Variants in ADCY7 observed in about 807,000 individuals in gnomAD.
ADCY7 encodes adenylate cyclase type 7.
Under a neutral mutation model 120.6 loss-of-function variants are expected in ADCY7, and 72 were observed. The ratio of observed to expected loss-of-function variants is 0.60; its 90% CI spans 0.49 to 0.73. ADCY7 has a LOEUF of 0.73. Among genes scored for constraint, ADCY7 ranks in the 30% least tolerant of loss-of-function variants. The pLI is 0.00. For synonymous variants in ADCY7, 661 were observed against 628.0 expected, an observed-to-expected ratio of 1.05 and a Z score of -0.78; for missense variants, 1,227 against 1,486.0, an observed-to-expected ratio of 0.83 and a Z score of 2.87.
chr16:50,311,440 T>G (rs554483422), intron 19 of ADCY7, among the ~76,000 whole-genome samples: 9 of 152,256 alleles, frequency 5.9e-5, no homozygotes, highest in African/African-American at 2.2e-4. Flanking sequence ...TGGGCTCCCT[T>G]CAGGCCCTCA....
chr16:50,256,784 A>G (rs923701481), intron 1 of ADCY7, among the ~76,000 whole-genome samples: 1 of 152,178 alleles, frequency 6.6e-6, no homozygotes, highest in Non-Finnish European at 1.5e-5. Flanking sequence ...CACAGCCATT[A>G]TGGAAAATAG....
chr16:50,266,600 G>A lies in ADCY7; in HGVS notation c.-349G>A, dbSNP rs72782119. 1,470 of 154,646 alleles carry A rather than the reference G, an allele frequency of 9.5e-3. 12 individuals are homozygous for A. Among genetic ancestry groups the A allele is most frequent in the Non-Finnish European group, 0.016 (1,104 of 68,866 alleles). The allele number at this position is 154,646 out of a possible 1,614,324, so 9.6% of individuals were successfully genotyped here. A position where few individuals can be genotyped will look rare whatever the true frequency, so the allele number is the denominator to read the frequency against. On this transcript the variant is annotated 5_prime_UTR_variant, in exon 1 of 26. Transcript: ENST00000673801. ...AGCCTTCGGATGGGTGAGCCTGGGC[G>A]CGTCTGAGGAAGGGCAGGCGGGGGC...
chr16:50,311,856 G>C, intron 20 of ADCY7, 70 bp downstream of exon 20: 2 of 1,353,228 alleles, frequency 1.5e-6, no homozygotes, highest in South Asian at 1.2e-5. Flanking sequence ...TGGAGATGGG[G>C]TGGGGTGGGG....
At position 50,315,508 on chromosome 16, in the gene ADCY7, G is replaced by T. The variant is rs1349809992; in HGVS notation, c.*3G>T. 3 of 1,602,738 alleles carry T rather than the reference G, an allele frequency of 1.9e-6. No homozygotes were observed. The South Asian group carries it at 3.3e-5, about 18-fold the overall frequency. ...TTCAGGGGCTGGGGCTGAACTGAGG[G>T]CTCCTGCTGGATTCCGAAAAGGCCG... On this transcript the variant is annotated 3_prime_UTR_variant, in exon 26 of 26. Coordinates refer to ENST00000673801, the MANE Select transcript of ADCY7 (RefSeq NM_001114.5).
rs1046908998 is a variant in ADCY7 at position 50,311,941 on chromosome 16, G to T, written c.2449-95G>T. 3 of 1,559,726 alleles carry T rather than the reference G, an allele frequency of 1.9e-6. No homozygotes were observed. In the African/African-American group the frequency reaches 4.1e-5, roughly 21 times the overall value. ...CTGGTCCCCTGGCCAGAGGCTCCAA[G>T]GACGCCAGGGACAGACAGACCTGGC... On this transcript the variant is annotated intron_variant, in intron 20 of 25. Transcript: ENST00000673801.
rs1379992166 is a variant in ADCY7, at chr16:50,317,447, CATT to C, written c.*1944_*1946del. ...CTGTTGCTAATATAACATAGAAACA[CATT>C]AGTGCACTGGGCCTCTCTGAGGTCA... On this transcript the variant is annotated 3_prime_UTR_variant, in exon 26 of 26. Transcript: ENST00000673801. The C allele has an allele frequency of 6.6e-6, 1 of 152,318 alleles. No individual in the cohort carries two copies. Among genetic ancestry groups the C allele is most frequent in the East Asian group, 1.9e-4 (1 of 5,334 alleles). 9.4% of individuals were successfully genotyped at this position (152,318 alleles called of 1,614,324 possible). A position where few individuals can be genotyped will look rare whatever the true frequency, so the allele number is the denominator to read the frequency against.
At position 50,300,885 on chromosome 16, in the gene ADCY7, C is replaced by T. The variant is rs1163551477; in HGVS notation, c.1235+12C>T. 1.9e-6 allele frequency: 3 copies of T among 1,553,520 alleles called. No individual in the cohort carries two copies. Among genetic ancestry groups the T allele is most frequent in the South Asian group, 1.2e-5 (1 of 84,278 alleles). ...GCCGGAGTACCCGGGTGAGGCTGGG[C>T]TGGGTAGCCGCAGGGACAGAGGCCT... On this transcript the variant is annotated intron_variant, in intron 9 of 25. Transcript: ENST00000673801.
rs1439256432 is a variant in ADCY7, at chr16:50,301,199, G to C, written c.1353G>C (p.Leu451=). 2 of 1,600,494 alleles carry C rather than the reference G, an allele frequency of 1.2e-6. No homozygotes were observed. Among genetic ancestry groups the C allele is most frequent in the Non-Finnish European group, 1.7e-6 (2 of 1,173,796 alleles). ...AGGAGATGAACATCCGCACCTACCT[G>C]GTCATCGACCCCCGGGTACGAGGGC... ...YLKEMNIRTY[L]VIDPRSQQPP... Residue 451 remains leucine, a synonymous_variant, in exon 10 of 26, where the codon CTG becomes CTC. Coordinates refer to ENST00000673801, the MANE Select transcript of ADCY7 (RefSeq NM_001114.5).
intron 2 of ADCY7, among the ~76,000 whole-genome samples, chr16:50,288,759 T>C (rs2150949038): frequency 6.6e-6 from 1 of 152,302 alleles, no homozygotes. Context: ...ATTATAGACG[T>C]GAGCCACCAT....
At position 50,312,141 on chromosome 16, in the gene ADCY7, GTCCTGC is replaced by G; in HGVS notation, c.2555_2560del (p.Val852_Pro854delinsAla). 6.2e-7 allele frequency: 1 copy of G among 1,614,214 alleles called. No individual in the cohort carries two copies. The highest frequency in any genetic ancestry group is 1.7e-5 in the Admixed American group (1 of 60,024). On this transcript the variant is annotated inframe_deletion, in exon 21 of 26. Transcript: ENST00000673801. ...CGTGAACCGCCTTCTTCTGGAGAAC[GTCCTGC>G]CAGCCCACGTGGCTGCCCACTTTAT... is the stretch of plus-strand genomic sequence containing the variant.
At position 50,290,678 on chromosome 16, in the gene ADCY7, C is replaced by G. The variant is rs1168550585; in HGVS notation, c.375+18C>G. On this transcript the variant is annotated intron_variant, in intron 3 of 25. Coordinates refer to ENST00000673801, the MANE Select transcript of ADCY7 (RefSeq NM_001114.5). ...GGGAGCAGGTAACAGGAACTCTGGA[C>G]TCCCTGCCAGCTGCGCCTTCAGCAG... is the stretch of plus-strand genomic sequence containing the variant. 2 of 1,604,914 alleles carry G rather than the reference C, an allele frequency of 1.2e-6. No homozygotes were observed. Among genetic ancestry groups the G allele is most frequent in the Admixed American group, 1.7e-5 (1 of 59,620 alleles).
intron 15 of ADCY7, among the ~76,000 whole-genome samples, 193 bp downstream of exon 15, chr16:50,307,340 C>T (rs2036137108): frequency 6.6e-6 from 1 of 152,082 alleles, no homozygotes; most frequent in Non-Finnish European, 1.5e-5. Context: ...GTGTTTTCTG[C>T]CACAGGCCTC....
chr16:50,267,903 C>T (rs1014655708), intron 1 of ADCY7, among the ~76,000 whole-genome samples: 3 of 152,116 alleles, frequency 2.0e-5, no homozygotes, highest in Non-Finnish European at 2.9e-5. Flanking sequence ...GCTGCACAGC[C>T]TTCGCTTCCC....
At chr16:50,276,092 G>A (rs2033873044) in intron 1 of ADCY7, among the ~76,000 whole-genome samples, 1 of 152,224 alleles carries the variant, frequency 6.6e-6, no homozygotes, top group African/African-American at 2.4e-5. Context: ...TGCCTGGGAT[G>A]TCACCTGTGA....
chr16:50,262,538 G>A (rs1332639383), upstream of ADCY7, among the ~76,000 whole-genome samples: 1 of 152,008 alleles, frequency 6.6e-6, no homozygotes, highest in African/African-American at 2.4e-5. Flanking sequence ...TGTTGGCCAG[G>A]CTGGTCTCGA....
At chr16:50,314,680 A>G (rs2036697250) in intron 24 of ADCY7, 3 of 471,642 alleles carry the variant, frequency 6.4e-6, no homozygotes, top group South Asian at 6.7e-5. Flanking sequence ...GAAGGAAGCA[A>G]AGTTACTAAA....
Position 50,312,980 on chromosome 16 carries a change from AAAG to A in ADCY7, c.2699_2701del (p.Glu900del). On this transcript the variant is annotated inframe_deletion, in exon 22 of 26. Transcript: ENST00000673801. Reference sequence around the variant, plus strand: ...GTTCTACACAGAGTGCGATGTCAACAAAGAAGGGCTGGAGTGCCTACGCCTGCT... The same window carrying A: ...GTTCTACACAGAGTGCGATGTCAACAAAGGGCTGGAGTGCCTACGCCTGCT... 6.2e-7 allele frequency: 1 copy of A among 1,614,206 alleles called. No individual in the cohort carries two copies. Among genetic ancestry groups the A allele is most frequent in the Non-Finnish European group, 8.5e-7 (1 of 1,180,030 alleles).
intron 16 of ADCY7, 53 bp from the exon 17 acceptor site, chr16:50,308,614 C>A: frequency 6.3e-7 from 1 of 1,576,994 alleles, no homozygotes. Flanking sequence ...CAGCGACCAG[C>A]CCTCCTTGCC....
intron 20 of ADCY7, 102 bp downstream of exon 20, chr16:50,311,888 A>G: frequency 2.7e-6 from 4 of 1,459,498 alleles, no homozygotes; most frequent in South Asian, 1.2e-5. Context: ...GGAGTAGCAG[A>G]AAAGACTAGA....
Sources: gnomAD v4.1 joint callset for allele counts (sites outside exome capture counted in the v4.1 genomes callset) on GRCh38, gnomAD v4.1.1 for gene constraint, MANE v1.5 for transcripts, NCBI Gene and HGNC (gene_info 2026-07-23, HGNC 2026-07-21) for gene names.